RALGPS2: variants seen among roughly 807,000 people sequenced by gnomAD.
The protein encoded by RALGPS2 is Ral GEF with PH domain and SH3 binding motif 2.
In RALGPS2, 43 loss-of-function variants were observed where a neutral mutation model predicts 86.8. That is an observed-to-expected ratio of 0.50 (90% CI 0.39 to 0.64). The LOEUF (loss-of-function observed/expected upper bound fraction) is 0.64, where lower values mean the gene tolerates loss of function less well. RALGPS2 is among the 30% of genes least tolerant of loss of function. RALGPS2 has a pLI of 0.00. For synonymous variants in RALGPS2, 243 were observed against 231.3 expected (o/e 1.05, Z -0.46); for missense variants, 536 against 694.6 (o/e 0.77, Z 2.57).
intron 14 of RALGPS2, among the ~76,000 whole-genome samples, chr1:178,891,879 G>A (rs1659725674): frequency 6.6e-6 from 1 of 151,092 alleles, no homozygotes; most frequent in Non-Finnish European, 1.5e-5. Context: ...TCCAAGAAGT[G>A]GTATAGAAAC....
At chr1:178,799,337 C>A (rs1266759498) in intron 4 of RALGPS2, among the ~76,000 whole-genome samples, 2 of 151,650 alleles carry the variant, frequency 1.3e-5, no homozygotes, top group African/African-American at 2.4e-5. Context: ...CCAGTCTGAA[C>A]AAGTTTTTAA....
At chr1:178,751,826 G>T (rs1488758329) in intron 1 of RALGPS2, among the ~76,000 whole-genome samples, 1 of 152,164 alleles carries the variant, frequency 6.6e-6, no homozygotes, top group African/African-American at 2.4e-5. Context: ...AAGTATGTGG[G>T]TAAGCTACAA....
chr1:178,862,630 T>TTTGG (rs138980609), intron 8 of RALGPS2, among the ~76,000 whole-genome samples: 12 of 145,582 alleles, frequency 8.2e-5, no homozygotes, highest in South Asian at 4.3e-4. Context: ...TATTTATTTA[T>TTTGG]TTGGTTGGTT....
intron 4 of RALGPS2, among the ~76,000 whole-genome samples, chr1:178,804,193 G>C (rs1434364109): frequency 6.8e-6 from 1 of 148,078 alleles, no homozygotes; most frequent in East Asian, 2.0e-4. Flanking sequence ...TCAGTTATTC[G>C]CATCTTTCCA....
In RALGPS2 at chr1:178,918,690, C is replaced by T. The variant is rs1441406880; in HGVS notation, c.*2331C>T. The T allele has an allele frequency of 6.6e-6, 1 of 152,050 alleles. No individual in the cohort carries two copies. Among genetic ancestry groups the T allele is most frequent in the Non-Finnish European group, 1.5e-5 (1 of 67,942 alleles). The allele number at this position is 152,050 out of a possible 1,614,324, so 9.4% of individuals were successfully genotyped here. A position where few individuals can be genotyped will look rare whatever the true frequency, so the allele number is the denominator to read the frequency against. ...TGTTTTTCTGTCTTTAAAATTTATT[C>T]ATTCAGAAAATTAGTCATTGCTTTT... On this transcript the variant is annotated 3_prime_UTR_variant, in exon 20 of 20. Coordinates refer to ENST00000367635, the MANE Select transcript of RALGPS2 (RefSeq NM_152663.5).
intron 8 of RALGPS2, among the ~76,000 whole-genome samples, chr1:178,852,461 G>GT (rs376103957): frequency 4.6e-5 from 7 of 152,122 alleles, no homozygotes; most frequent in Non-Finnish European, 1.0e-4. Flanking sequence ...TTTGCTTTGT[G>GT]TTTTTTTCCC....
intron 3 of RALGPS2, among the ~76,000 whole-genome samples, 174 bp from the exon 4 acceptor site, chr1:178,785,383 G>A (rs1258384121): frequency 6.6e-6 from 1 of 151,740 alleles, no homozygotes; most frequent in African/African-American, 2.4e-5. Context: ...ATAGACATGA[G>A]ATCATTAGAA....
chr1:178,886,226 A>C (rs1033216048), intron 13 of RALGPS2, 106 bp downstream of exon 13: 1 of 1,207,412 alleles, frequency 8.3e-7, no homozygotes, highest in Non-Finnish European at 1.2e-6. Flanking sequence ...AATTTGGTTA[A>C]AAAAACAAAG....
intron 8 of RALGPS2, among the ~76,000 whole-genome samples, chr1:178,859,822 C>CCCG (rs1657862729): frequency 2.0e-5 from 1 of 49,028 alleles, no homozygotes; most frequent in Non-Finnish European, 4.0e-5. Context: ...CTCTGCCCGC[C>CCCG]CCCCCCCCCC....
At chr1:178,834,534 GA>G (rs879821939) in intron 8 of RALGPS2, among the ~76,000 whole-genome samples, 2 of 152,128 alleles carry the variant, frequency 1.3e-5, no homozygotes, top group Non-Finnish European at 2.9e-5. Context: ...AATATTGTGG[GA>G]CACCCTAGGA....
intron 6 of RALGPS2, among the ~76,000 whole-genome samples, chr1:178,811,829 TAC>T (rs796474348): frequency 5.9e-5 from 9 of 152,348 alleles, no homozygotes; most frequent in African/African-American, 2.2e-4. Flanking sequence ...TATGTGATAT[TAC>T]CACATTGTTA....
intron 11 of RALGPS2, among the ~76,000 whole-genome samples, chr1:178,883,756 C>T (rs903570319): frequency 2.4e-4 from 37 of 152,008 alleles, no homozygotes; most frequent in African/African-American, 4.8e-5. Context: ...GAGGCCGAGG[C>T]GGGCGGATCA....
chr1:178,749,401 A>G (rs6425501), intron 1 of RALGPS2, among the ~76,000 whole-genome samples: 57,256 of 151,886 alleles, frequency 0.38, 11,625 homozygotes, highest in African/African-American at 0.52. Flanking sequence ...CAGGAGAATC[A>G]CTTGAACCCA....
chr1:178,796,085 AATAAG>A (rs1358924992), intron 4 of RALGPS2, among the ~76,000 whole-genome samples: 2 of 152,140 alleles, frequency 1.3e-5, no homozygotes, highest in African/African-American at 4.8e-5. Context: ...TTTAATATAT[AATAAG>A]ATAAGGCTTA....
chr1:178,836,267 G>A (rs145778524), intron 8 of RALGPS2, among the ~76,000 whole-genome samples: 2 of 152,264 alleles, frequency 1.3e-5, no homozygotes, highest in African/African-American at 4.8e-5. Context: ...TCATACCTAC[G>A]GGTTAAAGCA....
chr1:178,742,377 A>G (rs1191312923), intron 1 of RALGPS2, among the ~76,000 whole-genome samples: 2 of 152,330 alleles, frequency 1.3e-5, no homozygotes, highest in East Asian at 3.9e-4. Context: ...TCATTACAAA[A>G]TGATAAAGAG....
intron 10 of RALGPS2, among the ~76,000 whole-genome samples, chr1:178,880,589 C>G (rs1009882358): frequency 6.6e-6 from 1 of 152,102 alleles, no homozygotes; most frequent in Non-Finnish European, 1.5e-5. Context: ...TCCCTTCTCT[C>G]TAATTACTGA....
chr1:178,773,468 A>C (rs1323257096), intron 1 of RALGPS2, among the ~76,000 whole-genome samples: 9 of 152,240 alleles, frequency 5.9e-5, no homozygotes, highest in Non-Finnish European at 1.3e-4. Flanking sequence ...TTCTGTGTGC[A>C]AAGTATAGAA....
intron 1 of RALGPS2, among the ~76,000 whole-genome samples, chr1:178,769,942 G>C (rs1652707406): frequency 6.6e-6 from 1 of 151,988 alleles, no homozygotes; most frequent in African/African-American, 2.4e-5. Context: ...CTCCTTCCCA[G>C]GCTCTGGGTG....
Sources: allele counts gnomAD v4.1 joint callset (sites outside exome capture counted in the v4.1 genomes callset), GRCh38; gene constraint gnomAD v4.1.1; transcripts MANE v1.5; gene names NCBI Gene and HGNC (gene_info 2026-07-23, HGNC 2026-07-21).